The following TBC1D22B variants were observed in gnomAD, a reference collection of about 807,000 sequenced individuals.
TBC1D22B encodes TBC1 domain family member 22B, also known as chromosome 6 open reading frame 197.
In TBC1D22B, 32 loss-of-function variants were observed where a neutral mutation model predicts 69.1. The observed-to-expected ratio is 0.46, with a 90% confidence interval of 0.35 to 0.62. The LOEUF (loss-of-function observed/expected upper bound fraction) is 0.62, where lower values mean the gene tolerates loss of function less well. Among genes scored for constraint, TBC1D22B ranks in the 20% least tolerant of loss-of-function variants. TBC1D22B has a pLI of 0.00. For synonymous variants in TBC1D22B, 206 were observed against 229.8 expected (o/e 0.90, Z 0.94); for missense variants, 462 against 630.9 (o/e 0.73, Z 2.87).
At chr6:37,290,458 G>A (rs985358322) in intron 7 of TBC1D22B, among the ~76,000 whole-genome samples, 1 of 152,188 alleles carries the variant, frequency 6.6e-6, no homozygotes, top group African/African-American at 2.4e-5. Flanking sequence ...AAAGCGAGGG[G>A]AGTATAGTTG....
intron 12 of TBC1D22B, among the ~76,000 whole-genome samples, chr6:37,321,672 C>T (rs2113789508): frequency 6.6e-6 from 1 of 152,296 alleles, no homozygotes; most frequent in African/African-American, 2.4e-5. Flanking sequence ...GGCTCTAATG[C>T]TCCAGGGTGG....
In TBC1D22B at chr6:37,329,811, G is replaced by C. The variant is rs975822743; in HGVS notation, c.1390-1233G>C. Among the ~76,000 whole-genome samples, 14 of 152,304 alleles carry C rather than the reference G, an allele frequency of 9.2e-5. No homozygotes were observed. The South Asian group carries it at 2.5e-3, about 27-fold the overall frequency. On this transcript the variant is annotated intron_variant, in intron 12 of 12. Coordinates refer to ENST00000373491, the MANE Select transcript of TBC1D22B (RefSeq NM_017772.4). ...CTCCATTCATATCCATTTTCTAAGA[G>C]GGAGAGAAGTTTAGAGCAAAACCTA...
intron 8 of TBC1D22B, among the ~76,000 whole-genome samples, chr6:37,310,975 T>C (rs59078138): frequency 0.032 from 4,842 of 152,328 alleles, 242 homozygotes; most frequent in African/African-American, 0.11. Context: ...TCTGTGCTTA[T>C]ATAAACACAT....
chr6:37,296,755 A>G (rs1393882434), intron 8 of TBC1D22B, among the ~76,000 whole-genome samples: 1 of 152,098 alleles, frequency 6.6e-6, no homozygotes, highest in Non-Finnish European at 1.5e-5. Flanking sequence ...AATTTTTTAT[A>G]TGTATCTCTG....
intron 12 of TBC1D22B, among the ~76,000 whole-genome samples, chr6:37,326,808 A>C (rs1220665969): frequency 1.3e-5 from 2 of 152,178 alleles, no homozygotes; most frequent in Non-Finnish European, 2.9e-5. Flanking sequence ...AGAAAAAGAA[A>C]TCTTACCACA....
intron 8 of TBC1D22B, among the ~76,000 whole-genome samples, chr6:37,302,239 C>T (rs1767592396): frequency 6.6e-6 from 1 of 152,192 alleles, no homozygotes; most frequent in African/African-American, 2.4e-5. Flanking sequence ...GCCAGCTGCT[C>T]CTGTAAAAGT....
At chr6:37,263,874 A>G (rs773858243) in intron 1 of TBC1D22B, among the ~76,000 whole-genome samples, 9 of 152,194 alleles carry the variant, frequency 5.9e-5, no homozygotes, top group Non-Finnish European at 7.3e-5. Flanking sequence ...GTGAGCCACT[A>G]TGACCGGCCT....
chr6:37,323,077 C>T (rs546758057), intron 12 of TBC1D22B, among the ~76,000 whole-genome samples: 27 of 151,686 alleles, frequency 1.8e-4, no homozygotes, highest in Non-Finnish European at 3.4e-4. Flanking sequence ...AAAGTCATCT[C>T]GGGAAAGCAG....
chr6:37,301,516 C>T (rs1259621029), intron 8 of TBC1D22B, among the ~76,000 whole-genome samples: 5 of 152,152 alleles, frequency 3.3e-5, no homozygotes, highest in Non-Finnish European at 7.4e-5. Context: ...TGTCTGGCTT[C>T]TTTTACTTAG....
intron 7 of TBC1D22B, among the ~76,000 whole-genome samples, chr6:37,290,329 C>G (rs1767135983): frequency 6.6e-6 from 1 of 152,082 alleles, no homozygotes. Context: ...ATGAGGCAGC[C>G]CAGTCAAAGC....
chr6:37,269,792 T>C (rs1766424133), intron 2 of TBC1D22B, 142 bp downstream of exon 2: 1 of 745,432 alleles, frequency 1.3e-6, no homozygotes, highest in African/African-American at 1.7e-5. Context: ...AGCAATGTTC[T>C]TACTTCCAAA....
chr6:37,311,638 A>C (rs1329659217), intron 8 of TBC1D22B, among the ~76,000 whole-genome samples: 2 of 152,068 alleles, frequency 1.3e-5, no homozygotes, highest in Non-Finnish European at 2.9e-5. Flanking sequence ...GTGCCACTGC[A>C]CTCCAGCCTG....
At chr6:37,260,212 C>G (rs1260874310) in intron 1 of TBC1D22B, among the ~76,000 whole-genome samples, 1 of 152,164 alleles carries the variant, frequency 6.6e-6, no homozygotes, top group Non-Finnish European at 1.5e-5. Flanking sequence ...ACTTTTGCAT[C>G]TGTACTCTTT....
intron 1 of TBC1D22B, among the ~76,000 whole-genome samples, chr6:37,260,196 A>G (rs934429431): frequency 2.0e-5 from 3 of 152,204 alleles, no homozygotes; most frequent in Non-Finnish European, 4.4e-5. Flanking sequence ...TTTTCTCAAG[A>G]ATAGAACTTT....
chr6:37,269,550 T>C, intron 1 of TBC1D22B, 44 bp from the exon 2 acceptor site: 1 of 1,595,668 alleles, frequency 6.3e-7, no homozygotes, highest in South Asian at 1.1e-5. Context: ...ATATTTAGTT[T>C]CCTAACTAAA....
chr6:37,291,202 C>T (rs1581598952), intron 7 of TBC1D22B, 41 bp from the exon 8 acceptor site: 1 of 1,384,988 alleles, frequency 7.2e-7, no homozygotes, highest in Non-Finnish European at 1.0e-6. Flanking sequence ...GTGTGTGTCC[C>T]CGTGATTTAA....
intron 1 of TBC1D22B, among the ~76,000 whole-genome samples, chr6:37,259,541 T>C (rs1765996901): frequency 6.6e-6 from 1 of 152,324 alleles, no homozygotes; most frequent in South Asian, 2.1e-4. Context: ...TTCTGACTGC[T>C]GGTTGCTATT....
At chr6:37,310,282 A>G (rs1767864410) in intron 8 of TBC1D22B, among the ~76,000 whole-genome samples, 2 of 151,238 alleles carry the variant, frequency 1.3e-5, no homozygotes, top group Non-Finnish European at 2.9e-5. Context: ...AGGATACAAT[A>G]AAAGAATAAA....
intron 2 of TBC1D22B, among the ~76,000 whole-genome samples, chr6:37,271,842 G>A (rs1005856092): frequency 7.3e-6 from 1 of 136,720 alleles, no homozygotes; most frequent in African/African-American, 2.7e-5. Flanking sequence ...TGTCTGCAAG[G>A]TGCATGCTTT....
Sources: gnomAD v4.1 joint callset for allele counts (sites outside exome capture counted in the v4.1 genomes callset) on GRCh38, gnomAD v4.1.1 for gene constraint, MANE v1.5 for transcripts, NCBI Gene and HGNC (gene_info 2026-07-23, HGNC 2026-07-21) for gene names.